Variants in HPSE2 observed in about 807,000 individuals in gnomAD.
HPSE2 encodes the protein inactive heparanase-2.
A neutral mutation model predicts 60.5 loss-of-function variants in HPSE2; 38 were observed. The observed-to-expected ratio is 0.63, with a 90% CI of 0.48 to 0.82. The LOEUF (loss-of-function observed/expected upper bound fraction) is 0.82, where lower values mean the gene tolerates loss of function less well. Among genes scored for constraint, HPSE2 ranks in the 40% least tolerant of loss-of-function variants. The pLI is 0.00. For missense variants in HPSE2, 713 were observed against 740.4 expected, an observed-to-expected ratio of 0.96 and a Z score of 0.43; for synonymous variants, 295 against 293.2, an observed-to-expected ratio of 1.01 and a Z score of -0.06.
intron 10 of HPSE2, among the ~76,000 whole-genome samples, chr10:98,483,276 A>T (rs1355909870): frequency 6.6e-6 from 1 of 152,214 alleles, no homozygotes; most frequent in Non-Finnish European, 1.5e-5. Context: ...CATTATTCAC[A>T]GAGATTTTTT....
chr10:99,227,756 C>A lies in HPSE2; in HGVS notation c.448+4592G>T, dbSNP rs758058381. On this transcript the variant is annotated intron_variant, in intron 2 of 11. Transcript: ENST00000370552. The stretch of plus-strand genomic sequence containing the variant: ...ATTGTGGATATACAATAATTAGATA[C>A]GGTGTCTTCCTATAAAGAATTTGCA... Among the ~76,000 whole-genome samples, 3 of 149,678 alleles carry A rather than the reference C, an allele frequency of 2.0e-5. No individual in the cohort carries two copies. The Admixed American group carries it at 2.0e-4, about 10-fold the overall frequency.
At chr10:98,512,303 C>T (rs915598939) in intron 9 of HPSE2, among the ~76,000 whole-genome samples, 8 of 152,124 alleles carry the variant, frequency 5.3e-5, no homozygotes, top group African/African-American at 1.2e-4. Context: ...GAATGGTGGC[C>T]GGGTGCAGTG....
intron 7 of HPSE2, among the ~76,000 whole-genome samples, chr10:98,623,044 T>C (rs1399064298): frequency 6.6e-6 from 1 of 152,172 alleles, no homozygotes; most frequent in Non-Finnish European, 1.5e-5. Context: ...AATATATTTG[T>C]GTTTTTCTTT....
At chr10:99,050,287 G>C (rs868867092) in intron 3 of HPSE2, among the ~76,000 whole-genome samples, 1 of 151,360 alleles carries the variant, frequency 6.6e-6, no homozygotes, top group East Asian at 1.9e-4. Flanking sequence ...AGACAAAAGA[G>C]TGAGACTCTG....
intron 9 of HPSE2, among the ~76,000 whole-genome samples, chr10:98,515,074 C>T (rs140953669): frequency 9.5e-4 from 144 of 152,274 alleles, no homozygotes; most frequent in African/African-American, 3.3e-3. Context: ...GGCAAGCAAT[C>T]ATATTGAACT....
the HPSE2 span, among the ~76,000 whole-genome samples, chr10:99,315,100 TA>T: frequency 6.6e-6 from 1 of 152,248 alleles, no homozygotes; most frequent in African/African-American, 2.4e-5. Context: ...GTTATCAAGA[TA>T]TTTTTTAAAA....
At chr10:98,597,253 C>T (rs143840498) in intron 9 of HPSE2, among the ~76,000 whole-genome samples, 2,289 of 152,234 alleles carry the variant, frequency 0.015, 26 homozygotes, top group Non-Finnish European at 0.025. Context: ...TTTGGCCTTC[C>T]TGTACTTGGA....
chr10:99,126,372 T>C lies in HPSE2; in HGVS notation c.610+17866A>G, dbSNP rs1845164075. ...CCTGATGGTATTTCACTACCTGCCC[T>C]AGTAGCTGAACAGAAAAGACAGCTC... On this transcript the variant is annotated intron_variant, in intron 3 of 11. Transcript: ENST00000370552. The surrounding 1 kb of genome is among the most constrained non-coding windows in gnomAD (Gnocchi z 4.0). Among the ~76,000 whole-genome samples the C allele has an allele frequency of 7.6e-6, 1 of 131,178 alleles. No homozygotes were observed. 86.1% of individuals were successfully genotyped at this position (131,178 alleles called of 152,430 possible).
intron 9 of HPSE2, among the ~76,000 whole-genome samples, chr10:98,498,026 C>G (rs1941907310): frequency 6.6e-6 from 1 of 152,166 alleles, no homozygotes; most frequent in African/African-American, 2.4e-5. Context: ...GAAAGACAAA[C>G]ACTTTTCTTT....
intron 3 of HPSE2, among the ~76,000 whole-genome samples, chr10:98,817,341 GACTTTCTAAACAAAAGAT>G (rs1489301141): frequency 6.6e-6 from 1 of 152,102 alleles, no homozygotes; most frequent in African/African-American, 2.4e-5. Flanking sequence ...TGGAACAGTT[GACTTTCTAAACAAAAGAT>G]ACTTCAGAAT....
At chr10:99,100,655 C>T (rs1294520837) in intron 3 of HPSE2, among the ~76,000 whole-genome samples, 1 of 152,110 alleles carries the variant, frequency 6.6e-6, no homozygotes, top group Non-Finnish European at 1.5e-5. Context: ...CACAAAGATA[C>T]TCCTCAAAAA....
chr10:98,734,176 T>C (rs1291120249), intron 4 of HPSE2, among the ~76,000 whole-genome samples: 1 of 148,186 alleles, frequency 6.7e-6, no homozygotes, highest in African/African-American at 2.7e-5. Context: ...ATTTGTAGAA[T>C]GTATCAGTAC....
chr10:98,896,399 A>G (rs1276322551), intron 3 of HPSE2, among the ~76,000 whole-genome samples: 1 of 152,214 alleles, frequency 6.6e-6, no homozygotes, highest in Non-Finnish European at 1.5e-5. Context: ...CAGAGATTCT[A>G]TATTCAACAC....
chr10:99,015,074 T>C (rs902879719), intron 3 of HPSE2, among the ~76,000 whole-genome samples: 41 of 152,226 alleles, frequency 2.7e-4, no homozygotes, highest in African/African-American at 7.7e-4. Flanking sequence ...AAAAGGCTCA[T>C]CATCACTGGC....
chr10:99,142,437 C>T (rs993253588), intron 3 of HPSE2, among the ~76,000 whole-genome samples: 1 of 152,174 alleles, frequency 6.6e-6, no homozygotes, highest in African/African-American at 2.4e-5. Flanking sequence ...CTCTTCCCAA[C>T]ACCTGGAATC....
At chr10:98,902,889 T>C (rs1953705773) in intron 3 of HPSE2, among the ~76,000 whole-genome samples, 1 of 151,974 alleles carries the variant, frequency 6.6e-6, no homozygotes, top group South Asian at 2.1e-4. Flanking sequence ...CTCAAATGGG[T>C]AAACCAGGTG....
intron 11 of HPSE2, among the ~76,000 whole-genome samples, 180 bp downstream of exon 11, chr10:98,482,456 G>A (rs1941274184): frequency 6.6e-6 from 1 of 152,166 alleles, no homozygotes; most frequent in African/African-American, 2.4e-5. Flanking sequence ...TCTAAGATAG[G>A]GAGGGGCTTG....
chr10:98,931,316 C>T (rs1373418637), intron 3 of HPSE2, among the ~76,000 whole-genome samples: 1 of 143,736 alleles, frequency 7.0e-6, no homozygotes, highest in East Asian at 2.0e-4. Flanking sequence ...CTATTCTGTT[C>T]CATTTGTCTA....
rs545907587 is a variant in HPSE2 at position 99,201,347 on chromosome 10, G to A, written c.448+31001C>T. Among the ~76,000 whole-genome samples, 10 of 151,998 alleles carry A rather than the reference G, an allele frequency of 6.6e-5. No individual in the cohort carries two copies. In the South Asian group the frequency reaches 2.1e-3, roughly 31 times the overall value. ...ATCTCACTCTTGAATATCTTCACTA[G>A]CCTTTTTGGTCCTTCTAACCTAGGC... On this transcript the variant is annotated intron_variant, in intron 2 of 11. Coordinates refer to ENST00000370552, the MANE Select transcript of HPSE2 (RefSeq NM_021828.5).
Sources: allele counts gnomAD v4.1 joint callset (sites outside exome capture counted in the v4.1 genomes callset), GRCh38; gene constraint gnomAD v4.1.1; non-coding constraint Gnocchi (gnomAD v3.1); transcripts MANE v1.5; gene names NCBI Gene and HGNC (gene_info 2026-07-23, HGNC 2026-07-21).